Variants in GALNT15 observed in about 807,000 individuals in gnomAD.
GALNT15 encodes the protein UDP-GalNAc transferase T15.
A neutral mutation model predicts 66.8 loss-of-function variants in GALNT15; 67 were observed. The observed-to-expected ratio is 1.00, with a 90% CI of 0.82 to 1.23. The LOEUF is 1.23. Ranked by LOEUF, GALNT15 falls within the 50% of genes most tolerant of loss-of-function variation. GALNT15 has a pLI of 0.00. For missense variants in GALNT15, 827 were observed against 804.3 expected, an observed-to-expected ratio of 1.03 and a Z score of -0.34; for synonymous variants, 313 against 311.5, an observed-to-expected ratio of 1.00 and a Z score of -0.05.
chr3:16,211,150 T>G lies in GALNT15; in HGVS notation c.1106T>G (p.Val369Gly). ...AGCCCTGTGGTGCCCGGAGAGGTGG[T>G]GGCCATGGACAGACATTACTTCCAA... ...IRSPVVPGEVVAMDRHYFQNT... is the reference protein window; with the variant it reads ...IRSPVVPGEVGAMDRHYFQNT... Residue 369 changes from valine (V) to glycine (G), a missense_variant, in exon 5 of 10, where the codon GTG becomes GGG. Transcript: ENST00000339732. The surrounding 1 kb of genome is among the most constrained non-coding windows in gnomAD (Gnocchi z 4.3). 6.2e-7 allele frequency: 1 copy of G among 1,613,860 alleles called. No individual in the cohort carries two copies. Among genetic ancestry groups the G allele is most frequent in the Non-Finnish European group, 8.5e-7 (1 of 1,179,794 alleles).
intron 9 of GALNT15, among the ~76,000 whole-genome samples, chr3:16,223,734 C>A: frequency 6.6e-6 from 1 of 150,626 alleles, no homozygotes. Flanking sequence ...ACTCTGTTAC[C>A]CAGGTTGGAG....
chr3:16,221,129 A>G (rs890664859), intron 8 of GALNT15, among the ~76,000 whole-genome samples: 1 of 152,096 alleles, frequency 6.6e-6, no homozygotes, highest in African/African-American at 2.4e-5. Context: ...CTCTCCTGCA[A>G]TTAAGAATAA....
At chr3:16,212,491 C>T in intron 5 of GALNT15, 78 bp from the exon 6 acceptor site, 1 of 1,382,066 alleles carries the variant, frequency 7.2e-7, no homozygotes, top group South Asian at 1.4e-5. Flanking sequence ...TTGCCAGCCC[C>T]TCATAGATAG....
At chr3:16,212,274 C>T (rs1449061916) in intron 5 of GALNT15, among the ~76,000 whole-genome samples, 1 of 152,108 alleles carries the variant, frequency 6.6e-6, no homozygotes, top group African/African-American at 2.4e-5. Context: ...CTACATCTCT[C>T]TAAGTGCTGG....
intron 6 of GALNT15, among the ~76,000 whole-genome samples, chr3:16,214,637 A>G (rs187096118): frequency 1.3e-5 from 2 of 152,122 alleles, no homozygotes; most frequent in Admixed American, 6.5e-5. Flanking sequence ...CCCAATGCTT[A>G]TCAGGTTCTT....
chr3:16,247,105 T>TGTGC, the GALNT15 span, among the ~76,000 whole-genome samples: 1 of 151,260 alleles, frequency 6.6e-6, no homozygotes, highest in South Asian at 2.1e-4. Flanking sequence ...GTAGTGTGTG[T>TGTGC]GTGTGTGTGT....
intron 6 of GALNT15, among the ~76,000 whole-genome samples, chr3:16,215,814 G>A (rs1487047214): frequency 6.6e-6 from 1 of 151,372 alleles, no homozygotes; most frequent in Admixed American, 6.6e-5. Flanking sequence ...GGAGGCTGAG[G>A]CAGGAGAATT....
chr3:16,196,149 G>A (rs186604493), intron 2 of GALNT15, among the ~76,000 whole-genome samples: 2 of 152,290 alleles, frequency 1.3e-5, no homozygotes, highest in African/African-American at 2.4e-5. Context: ...GAGCCCTGCA[G>A]GGGAAACAGC....
At position 16,227,372 on chromosome 3, in the gene GALNT15, A is replaced by T; in HGVS notation, c.1792A>T (p.Ile598Phe). Residue 598 changes from isoleucine (I) to phenylalanine (F), a missense_variant, in exon 10 of 10, where the codon ATT (isoleucine) becomes TTT (phenylalanine). Transcript: ENST00000339732. This position sits in a 1 kb window ranked among gnomAD's most constrained non-coding sequence, Gnocchi z 4.5. ...TTTTTAGAATGGGATGATTGTCCACATTCTTTCTGGGAAATGCATGGAAGC... is the reference window on the plus strand; with the variant it reads ...TTTTTAGAATGGGATGATTGTCCACTTTCTTTCTGGGAAATGCATGGAAGC... The part of the protein sequence containing the change: ...DFQENGMIVH[I>F]LSGKCMEAVV... The T allele has an allele frequency of 6.2e-7, 1 of 1,613,730 alleles. No homozygotes were observed.
chr3:16,182,705 T>A lies in GALNT15; in HGVS notation c.539+7015T>A, dbSNP rs990123259. 1 of 152,248 alleles carries A rather than the reference T, an allele frequency of 6.6e-6. No homozygotes were observed. The highest frequency in any genetic ancestry group is 1.5e-5 in the Non-Finnish European group (1 of 68,078). 9.4% of individuals were successfully genotyped at this position (152,248 alleles called of 1,614,324 possible). A position where few individuals can be genotyped will look rare whatever the true frequency, so the allele number is the denominator to read the frequency against. ...CAACCACTGCCCTCTACTCTAACTG[T>A]GGTCCAGGAACCAACAGCATCAGCA... On this transcript the variant is annotated intron_variant, in intron 1 of 9. Transcript: ENST00000339732. The surrounding 1 kb of genome is among the most constrained non-coding windows in gnomAD (Gnocchi z 6.1).
At chr3:16,177,682 G>A (rs2063425112) in intron 1 of GALNT15, among the ~76,000 whole-genome samples, 1 of 152,242 alleles carries the variant, frequency 6.6e-6, no homozygotes, top group African/African-American at 2.4e-5. Context: ...GATGCCACAT[G>A]CATTGTTCAT....
In GALNT15 at chr3:16,204,291, G is replaced by T. The variant is rs188873609; in HGVS notation, c.911+3468G>T. ...CCTGACTCCCATTCCTCAGAAAATTGGTCATAATATACTGATTTTATTAGA... is the reference window on the plus strand; with the variant it reads ...CCTGACTCCCATTCCTCAGAAAATTTGTCATAATATACTGATTTTATTAGA... On this transcript the variant is annotated intron_variant, in intron 3 of 9. Transcript: ENST00000339732. This position sits in a 1 kb window ranked among gnomAD's most constrained non-coding sequence, Gnocchi z 4.5. 2.4e-3 allele frequency among the ~76,000 whole-genome samples: 359 copies of T among 152,168 alleles called. 1 individual carries two copies. Among genetic ancestry groups the T allele is most frequent in the African/African-American group, 8.0e-3 (334 of 41,500 alleles).
intron 3 of GALNT15, among the ~76,000 whole-genome samples, chr3:16,207,289 T>C (rs1293166420): frequency 6.6e-6 from 1 of 152,008 alleles, no homozygotes; most frequent in Non-Finnish European, 1.5e-5. Context: ...TAGAGTGATA[T>C]CTTCTAGCCA....
intron 2 of GALNT15, among the ~76,000 whole-genome samples, chr3:16,199,516 G>A (rs1335683030): frequency 7.0e-6 from 1 of 142,312 alleles, no homozygotes; most frequent in Non-Finnish European, 1.6e-5. Flanking sequence ...CTTGACCACT[G>A]TCTTAGGTCA....
In GALNT15 at chr3:16,203,860, T is replaced by C. The variant is rs2063729666; in HGVS notation, c.911+3037T>C. The stretch of plus-strand genomic sequence containing the variant: ...GCAGGGAGAGCAGCCTCATTCAGTG[T>C]GTGCTTTACTCCCCCAGGGACGTCG... On this transcript the variant is annotated intron_variant, in intron 3 of 9. Coordinates refer to ENST00000339732, the MANE Select transcript of GALNT15 (RefSeq NM_054110.5). The surrounding 1 kb of genome is among the most constrained non-coding windows in gnomAD (Gnocchi z 6.2). 6.6e-6 allele frequency among the ~76,000 whole-genome samples: 1 copy of C among 152,082 alleles called. No individual in the cohort carries two copies. The highest frequency in any genetic ancestry group is 2.4e-5 in the African/African-American group (1 of 41,394).
chr3:16,207,501 TAAAAAAAAAA>T (rs36127239), intron 3 of GALNT15, among the ~76,000 whole-genome samples: 467 of 39,838 alleles, frequency 0.012, 27 homozygotes, highest in Admixed American at 0.02. Context: ...CTCCAGGCTG[TAAAAAAAAAA>T]AAAAAAAAAA....
At chr3:16,226,134 A>G (rs1202902042) in intron 9 of GALNT15, among the ~76,000 whole-genome samples, 1 of 152,190 alleles carries the variant, frequency 6.6e-6, no homozygotes, top group Non-Finnish European at 1.5e-5. Context: ...CAAAATGTCC[A>G]GAATAGGAAA....
chr3:16,227,550 C>G lies in GALNT15; in HGVS notation c.*50C>G, dbSNP rs764203262. On this transcript the variant is annotated 3_prime_UTR_variant, in exon 10 of 10. Transcript: ENST00000339732. The surrounding 1 kb of genome is among the most constrained non-coding windows in gnomAD (Gnocchi z 4.5). The stretch of plus-strand genomic sequence containing the variant: ...AATTTTGGCCATCAAAATCCAGCTC[C>G]AAGTGAACTTAAAGAGCTTATATAT... 4 of 1,613,678 alleles carry G rather than the reference C, an allele frequency of 2.5e-6. No homozygotes were observed. The highest frequency in any genetic ancestry group is 3.4e-6 in the Non-Finnish European group (4 of 1,179,862).
chr3:16,208,012 G>A (rs2063775618), intron 3 of GALNT15, among the ~76,000 whole-genome samples: 1 of 152,162 alleles, frequency 6.6e-6, no homozygotes, highest in Admixed American at 6.5e-5. Flanking sequence ...GCTGAGCCTA[G>A]GACCCGTCTC....
Sources: allele counts gnomAD v4.1 joint callset (sites outside exome capture counted in the v4.1 genomes callset), GRCh38; gene constraint gnomAD v4.1.1; non-coding constraint Gnocchi (gnomAD v3.1); transcripts MANE v1.5; gene names NCBI Gene and HGNC (gene_info 2026-07-23, HGNC 2026-07-21).